Variants in ZNF257 observed in about 807,000 individuals in gnomAD.
The protein encoded by ZNF257 is bone marrow zinc finger 4.
A neutral mutation model predicts 11.9 loss-of-function variants in ZNF257; 12 were observed. That is an observed-to-expected ratio of 1.01 (90% confidence interval 0.65 to 1.63). The LOEUF is 1.63. Among genes scored for constraint, ZNF257 ranks in the 40% most tolerant of loss-of-function variants. The pLI, the probability that ZNF257 is intolerant of heterozygous loss-of-function variation, is 0.00. For synonymous variants in ZNF257, 183 were observed against 222.7 expected (o/e 0.82, Z 1.59); for missense variants, 580 against 665.5 (o/e 0.87, Z 1.41).
At chr19:22,082,777 T>C (rs751078734) in intron 3 of ZNF257, among the ~76,000 whole-genome samples, 2 of 152,182 alleles carry the variant, frequency 1.3e-5, no homozygotes, top group Non-Finnish European at 2.9e-5. Context: ...TGCAATTTTA[T>C]ATTTTTGTAT....
chr19:22,052,734 C>T (rs1971731892), intron 1 of ZNF257, 99 bp downstream of exon 1: 1 of 1,425,254 alleles, frequency 7.0e-7, no homozygotes, highest in South Asian at 1.2e-5. Flanking sequence ...TGCAGTCAGC[C>T]CTACCATCTG....
chr19:22,067,479 TAAAAAA>T, intron 1 of ZNF257, among the ~76,000 whole-genome samples: 1 of 151,004 alleles, frequency 6.6e-6, no homozygotes, highest in South Asian at 2.1e-4. Context: ...TTTTGGAAAA[TAAAAAA>T]AAACGTTTAT....
chr19:22,083,599 G>A (rs945665312), intron 3 of ZNF257, among the ~76,000 whole-genome samples: 1 of 151,986 alleles, frequency 6.6e-6, no homozygotes, highest in African/African-American at 2.4e-5. Flanking sequence ...TATTGACATT[G>A]TTATGCAACA....
At chr19:22,066,566 G>A (rs753125554) in intron 1 of ZNF257, among the ~76,000 whole-genome samples, 2 of 152,148 alleles carry the variant, frequency 1.3e-5, no homozygotes, top group Non-Finnish European at 2.9e-5. Flanking sequence ...CAGTCTCAGG[G>A]AGTAGAGAGC....
At chr19:22,064,933 A>T (rs192414243) in intron 1 of ZNF257, among the ~76,000 whole-genome samples, 1 of 151,974 alleles carries the variant, frequency 6.6e-6, no homozygotes, top group East Asian at 2.0e-4. Flanking sequence ...ACGCGCCTAT[A>T]GTCCCAGCTG....
At position 22,056,478 on chromosome 19, in the gene ZNF257, A is replaced by ATTTTTT. The variant is rs79915542; in HGVS notation, c.3+3855_3+3860dup. Among the ~76,000 whole-genome samples the ATTTTTT allele has an allele frequency of 6.2e-3, 829 of 134,592 alleles. 16 individuals are homozygous for ATTTTTT. Among genetic ancestry groups the ATTTTTT allele is most frequent in the African/African-American group, 0.022 (760 of 34,260 alleles). The allele number at this position is 134,592 out of a possible 152,430, so 88.3% of individuals were successfully genotyped here. The stretch of plus-strand genomic sequence containing the variant: ...TTTCTTTTCCAGAGTGAATTTAGAA[A>ATTTTTT]TTTTTTTTTTTTTTTTTGAGACGGA... On this transcript the variant is annotated intron_variant, in intron 1 of 3. Transcript: ENST00000594947.
intron 1 of ZNF257, among the ~76,000 whole-genome samples, chr19:22,056,778 G>A (rs2021654841): frequency 1.3e-5 from 2 of 152,056 alleles, no homozygotes; most frequent in Admixed American, 6.6e-5. Flanking sequence ...GCGCCCGGCC[G>A]AATTTAGAAA....
intron 2 of ZNF257, among the ~76,000 whole-genome samples, 160 bp downstream of exon 2, chr19:22,073,095 G>C (rs975709145): frequency 1.3e-5 from 2 of 151,658 alleles, no homozygotes; most frequent in African/African-American, 4.8e-5. Context: ...AAATCATAAG[G>C]ATTTGTCAGT....
chr19:22,067,404 C>T (rs539164173), intron 1 of ZNF257, among the ~76,000 whole-genome samples: 1 of 152,234 alleles, frequency 6.6e-6, no homozygotes, highest in South Asian at 2.1e-4. Flanking sequence ...CAGGTAACAC[C>T]TGCTGCTACT....
At chr19:22,081,094 G>A (rs1441213754) in intron 3 of ZNF257, among the ~76,000 whole-genome samples, 1 of 151,750 alleles carries the variant, frequency 6.6e-6, no homozygotes. Context: ...AACCAGCATT[G>A]TCTCGAACTC....
At chr19:22,071,810 G>T (rs1418965073) in intron 1 of ZNF257, among the ~76,000 whole-genome samples, 1 of 152,030 alleles carries the variant, frequency 6.6e-6, no homozygotes, top group Non-Finnish European at 1.5e-5. Flanking sequence ...GAAGAAAGGG[G>T]TTCTTAAAAA....
intron 1 of ZNF257, chr19:22,066,113 T>A: frequency 6.5e-6 from 1 of 152,922 alleles, no homozygotes; most frequent in Middle Eastern, 1.3e-3. Context: ...CTCAATAAAA[T>A]CTTGCTCATT....
rs1167009731 is a variant in ZNF257 at position 22,088,027 on chromosome 19, T to A, written c.277T>A (p.Tyr93Asn). 3.8e-6 allele frequency: 6 copies of A among 1,568,334 alleles called. No individual in the cohort carries two copies. Among genetic ancestry groups the A allele is most frequent in the Non-Finnish European group, 5.2e-6 (6 of 1,156,670 alleles). ...CCTTTGCCCAGAGCGAGACATAAAA[T>A]ATTTTTTCCAAAAAGTCATACTGAG... ...EDLCPERDIK[Y>N]FFQKVILRRY... The change falls in exon 4 of 4, where the codon TAT (tyrosine) becomes AAT (asparagine). Residue 93 changes from tyrosine (Y) to asparagine (N), a missense_variant. By Grantham distance (143) the Tyr-to-Asn change is moderately radical (BLOSUM62 -2). Transcript: ENST00000594947.
chr19:22,067,541 A>G (rs1407186345), intron 1 of ZNF257, among the ~76,000 whole-genome samples: 3 of 152,106 alleles, frequency 2.0e-5, no homozygotes, highest in African/African-American at 7.2e-5. Flanking sequence ...GAGAGACATT[A>G]AAATGAGAGC....
intron 1 of ZNF257, among the ~76,000 whole-genome samples, chr19:22,060,956 G>T (rs1599660392): frequency 6.6e-6 from 1 of 152,090 alleles, no homozygotes; most frequent in African/African-American, 2.4e-5. Context: ...TAAATTTTGG[G>T]GCTCTTTAAT....
intron 1 of ZNF257, among the ~76,000 whole-genome samples, chr19:22,067,905 T>C (rs1175450472): frequency 1.3e-5 from 2 of 149,546 alleles, no homozygotes; most frequent in Admixed American, 6.7e-5. Context: ...TATGTATTCA[T>C]CTCCTGAAAC....
chr19:22,055,138 C>T (rs1019483433), intron 1 of ZNF257, among the ~76,000 whole-genome samples: 8 of 152,004 alleles, frequency 5.3e-5, no homozygotes, highest in Non-Finnish European at 1.5e-5. Context: ...ATTTCTGCCC[C>T]CTGGATTCTC....
intron 1 of ZNF257, among the ~76,000 whole-genome samples, chr19:22,066,794 A>G (rs9653142): frequency 0.24 from 36,080 of 152,058 alleles, 5,823 homozygotes; most frequent in African/African-American, 0.46. Flanking sequence ...AATTATGTAT[A>G]GCATGGTGTT....
At chr19:22,062,561 CA>C (rs2145690637) in intron 1 of ZNF257, among the ~76,000 whole-genome samples, 1 of 151,512 alleles carries the variant, frequency 6.6e-6, no homozygotes, top group South Asian at 2.1e-4. Flanking sequence ...CGGCTTACCA[CA>C]ACCTCCACCT....
Sources: gnomAD v4.1 joint callset for allele counts (sites outside exome capture counted in the v4.1 genomes callset) on GRCh38, gnomAD v4.1.1 for gene constraint, MANE v1.5 for transcripts, NCBI Gene and HGNC (gene_info 2026-07-23, HGNC 2026-07-21) for gene names.